ATAD2B: variants seen among roughly 807,000 people sequenced by gnomAD.
The protein encoded by ATAD2B is ATPase family AAA domain-containing protein 2B.
ATAD2B carries 40 observed loss-of-function variants against 167.6 expected under a neutral mutation model. That is an observed-to-expected ratio of 0.24 (90% CI 0.19 to 0.31). The LOEUF (loss-of-function observed/expected upper bound fraction) is 0.31. Among genes scored for constraint, ATAD2B ranks in the 10% least tolerant of loss-of-function variants. The pLI is 1.00. For missense variants in ATAD2B, 1,242 were observed against 1,757.2 expected (o/e 0.71, Z 5.24); for synonymous variants, 579 against 596.5 (o/e 0.97, Z 0.43).
chr2:23,915,484 G>C lies in ATAD2B; in HGVS notation c.216+11071C>G, dbSNP rs139409427. 1.4e-3 allele frequency among the ~76,000 whole-genome samples: 205 copies of C among 148,386 alleles called. 4 individuals are homozygous for C. In the East Asian group the frequency reaches 0.034, roughly 25 times the overall value. The stretch of plus-strand genomic sequence containing the variant: ...CCAACTCACTATTTAAAAAAAAAGC[G>C]TATTGCTATATTGTCCAGGCTGGAC... On this transcript the variant is annotated intron_variant, in intron 1 of 27. Transcript: ENST00000238789.
intron 6 of ATAD2B, among the ~76,000 whole-genome samples, chr2:23,883,000 A>G (rs531264541): frequency 6.6e-6 from 1 of 151,902 alleles, no homozygotes; most frequent in South Asian, 2.1e-4. Context: ...AGGGCTGGAC[A>G]TGGTGGCTTA....
At chr2:23,908,630 T>C (rs1326014813) in intron 1 of ATAD2B, among the ~76,000 whole-genome samples, 9 of 152,166 alleles carry the variant, frequency 5.9e-5, no homozygotes, top group Non-Finnish European at 1.2e-4. Flanking sequence ...AGCCATCCCA[T>C]TACTGGGTAT....
chr2:23,703,923 T>C, the ATAD2B span: 2 of 1,470,386 alleles, frequency 1.4e-6, no homozygotes, highest in Non-Finnish European at 1.8e-6. Context: ...AGGAGGGGTG[T>C]GACCACAATG....
Position 23,857,511 on chromosome 2 carries a change from G to C in ATAD2B, c.1480-8C>G, listed in dbSNP as rs1693605610. On this transcript the variant is annotated splice_region_variant and splice_polypyrimidine_tract_variant and intron_variant, in intron 12 of 27. Transcript: ENST00000238789. ...AGGTCTCATCAAATATGCCTAGTAA[G>C]AAGAAAACAAATAATATTTATTGTA... 1.6e-6 allele frequency: 2 copies of C among 1,228,510 alleles called. No homozygotes were observed. Among genetic ancestry groups the C allele is most frequent in the South Asian group, 3.5e-5 (2 of 56,876 alleles). 76.1% of individuals were successfully genotyped at this position (1,228,510 alleles called of 1,614,324 possible).
rs553668882 is a variant in ATAD2B at position 23,790,465 on chromosome 2, C to A, written c.2641-1818G>T. ...TTTAACTATTTTCTCTGATAATTTT[C>A]AATACTATGTTAACACTTTATGAAT... On this transcript the variant is annotated intron_variant, in intron 19 of 27. Coordinates refer to ENST00000238789, the MANE Select transcript of ATAD2B (RefSeq NM_017552.4). 8.5e-5 allele frequency among the ~76,000 whole-genome samples: 13 copies of A among 152,250 alleles called. No individual in the cohort carries two copies. In the South Asian group the frequency reaches 2.7e-3, roughly 32 times the overall value.
At chr2:23,873,985 G>A (rs1005202271) in intron 8 of ATAD2B, among the ~76,000 whole-genome samples, 5 of 151,762 alleles carry the variant, frequency 3.3e-5, no homozygotes, top group Admixed American at 6.6e-5. Flanking sequence ...TCAGAAGTTC[G>A]AGACCAGCCT....
intron 22 of ATAD2B, among the ~76,000 whole-genome samples, chr2:23,782,652 T>A (rs1680239230): frequency 6.6e-6 from 1 of 152,196 alleles, no homozygotes; most frequent in Non-Finnish European, 1.5e-5. Flanking sequence ...AGAAGGTAAA[T>A]GAAGAAACAA....
At chr2:23,788,133 A>C (rs1681098511) in intron 20 of ATAD2B, 1 of 180,494 alleles carries the variant, frequency 5.5e-6, no homozygotes, top group African/African-American at 2.3e-5. Flanking sequence ...CAAATCTATC[A>C]TGGCCCAAAA....
chr2:23,780,252 A>G (rs1558521031), intron 22 of ATAD2B, among the ~76,000 whole-genome samples: 1 of 145,442 alleles, frequency 6.9e-6, no homozygotes, highest in Non-Finnish European at 1.5e-5. Flanking sequence ...TGTCTCCAAA[A>G]AAAAAAGTAT....
intron 17 of ATAD2B, among the ~76,000 whole-genome samples, chr2:23,817,742 A>T (rs1686672495): frequency 6.6e-6 from 1 of 152,238 alleles, no homozygotes; most frequent in African/African-American, 2.4e-5. Flanking sequence ...AAAAATGCTT[A>T]TTCTAGCATA....
the ATAD2B span, among the ~76,000 whole-genome samples, chr2:23,724,991 C>A: frequency 7.3e-6 from 1 of 137,220 alleles, no homozygotes; most frequent in African/African-American, 2.7e-5. Context: ...TGCAGTGAGC[C>A]GAGATCTCGC....
chr2:23,699,147 A>G, the ATAD2B span, among the ~76,000 whole-genome samples: 2 of 152,218 alleles, frequency 1.3e-5, no homozygotes, highest in African/African-American at 4.8e-5. Context: ...TGGACGTCAC[A>G]TCACCCTCGC....
At position 23,749,033 on chromosome 2, in the gene ATAD2B, G is replaced by A. The variant is rs1675090147; in HGVS notation, c.*3013C>T. On this transcript the variant is annotated 3_prime_UTR_variant, in exon 28 of 28. Transcript: ENST00000238789. ...GCATTCAGCTACGGGACCTGACACT[G>A]AAGATACCTACTGAATAGCACCATA... 1 of 152,024 alleles carries A rather than the reference G, an allele frequency of 6.6e-6. No homozygotes were observed. The allele number at this position is 152,024 out of a possible 1,614,324, so 9.4% of individuals were successfully genotyped here. A position where few individuals can be genotyped will look rare whatever the true frequency, so the allele number is the denominator to read the frequency against.
chr2:23,702,308 G>A, the ATAD2B span, among the ~76,000 whole-genome samples: 1 of 152,262 alleles, frequency 6.6e-6, no homozygotes, highest in Admixed American at 6.5e-5. Context: ...AACATGCTCT[G>A]AACACTTACA....
chr2:23,827,059 C>T (rs769830301), intron 15 of ATAD2B, among the ~76,000 whole-genome samples: 15 of 151,850 alleles, frequency 9.9e-5, no homozygotes, highest in African/African-American at 4.8e-5. Context: ...TACTATTTCA[C>T]GCCCGTTTGA....
intron 13 of ATAD2B, among the ~76,000 whole-genome samples, chr2:23,837,535 G>A (rs1690199023): frequency 6.6e-6 from 1 of 152,156 alleles, no homozygotes; most frequent in African/African-American, 2.4e-5. Context: ...AAAAGGGGTG[G>A]GATTCCCACT....
chr2:23,849,951 G>A (rs1210834974), intron 13 of ATAD2B, among the ~76,000 whole-genome samples: 2 of 151,812 alleles, frequency 1.3e-5, no homozygotes, highest in Admixed American at 6.6e-5. Flanking sequence ...GGGACATAAA[G>A]GAGAATGCAA....
intron 18 of ATAD2B, chr2:23,809,276 T>C (rs566259594): frequency 6.6e-6 from 1 of 152,160 alleles, no homozygotes; most frequent in Non-Finnish European, 1.5e-5. Flanking sequence ...TACTGGTAGA[T>C]AGCATTTAAT....
At chr2:23,716,190 G>T in the ATAD2B span, among the ~76,000 whole-genome samples, 1 of 152,190 alleles carries the variant, frequency 6.6e-6, no homozygotes. Context: ...CAGTGAAATT[G>T]TTAGAAAAGC....
Sources: allele counts gnomAD v4.1 joint callset (sites outside exome capture counted in the v4.1 genomes callset), GRCh38; gene constraint gnomAD v4.1.1; transcripts MANE v1.5; gene names NCBI Gene and HGNC (gene_info 2026-07-23, HGNC 2026-07-21).